TENM3: variants seen among roughly 807,000 people sequenced by gnomAD.
The protein encoded by TENM3 is teneurin-3.
In TENM3, 63 loss-of-function variants were observed where a neutral mutation model predicts 255.1. The observed-to-expected ratio is 0.25, with a 90% confidence interval of 0.20 to 0.30. TENM3 has a LOEUF of 0.30. Ranked by LOEUF, TENM3 falls within the 10% of genes least tolerant of loss-of-function variation. TENM3 has a pLI of 1.00. For synonymous variants in TENM3, 1,306 were observed against 1,322.3 expected (o/e 0.99, Z 0.27); for missense variants, 2,929 against 3,461.1 (o/e 0.85, Z 3.86).
At chr4:181,527,011 A>G in the TENM3 span, among the ~76,000 whole-genome samples, 55 of 152,266 alleles carry the variant, frequency 3.6e-4, 1 homozygote, top group East Asian at 0.01. Context: ...CTCCTTGCTC[A>G]GTGACTTAGC....
chr4:181,835,370 A>G, the TENM3 span, among the ~76,000 whole-genome samples: 1 of 152,148 alleles, frequency 6.6e-6, no homozygotes, highest in Non-Finnish European at 1.5e-5. Flanking sequence ...CCAAAGTTTC[A>G]TTTTCCAGTT....
chr4:182,697,663 A>G (rs1272249556), intron 12 of TENM3, among the ~76,000 whole-genome samples: 1 of 152,170 alleles, frequency 6.6e-6, no homozygotes, highest in Non-Finnish European at 1.5e-5. Context: ...TTGAGATGAC[A>G]GTATCCACTG....
chr4:182,085,727 C>A, the TENM3 span, among the ~76,000 whole-genome samples: 119 of 152,098 alleles, frequency 7.8e-4, no homozygotes, highest in Admixed American at 2.2e-3. Flanking sequence ...AGCTGAATGC[C>A]CATTCTTTAA....
chr4:181,975,882 T>G, the TENM3 span: 1 of 152,180 alleles, frequency 6.6e-6, no homozygotes, highest in Non-Finnish European at 1.5e-5. Context: ...TAGAAAATTA[T>G]TGTCTGACAG....
At chr4:182,510,769 T>A (rs1450687410) in intron 3 of TENM3, among the ~76,000 whole-genome samples, 2 of 152,216 alleles carry the variant, frequency 1.3e-5, no homozygotes, top group African/African-American at 4.8e-5. Context: ...TTTTTTCTAA[T>A]GTTATAATCT....
At chr4:181,543,526 G>A in the TENM3 span, among the ~76,000 whole-genome samples, 1 of 152,172 alleles carries the variant, frequency 6.6e-6, no homozygotes, top group Non-Finnish European at 1.5e-5. Context: ...TCCGCGTGAT[G>A]ACCAACTCTC....
the TENM3 span, among the ~76,000 whole-genome samples, chr4:182,089,480 C>G: frequency 6.6e-6 from 1 of 152,050 alleles, no homozygotes; most frequent in Non-Finnish European, 1.5e-5. Context: ...AAAAATCAAC[C>G]AAAAAATCAA....
intron 1 of TENM3, among the ~76,000 whole-genome samples, chr4:182,220,552 G>C (rs1169310030): frequency 1.1e-5 from 1 of 87,852 alleles, no homozygotes; most frequent in Non-Finnish European, 2.8e-5. Flanking sequence ...AGGTCCAAAT[G>C]TGGGGGGCAC....
chr4:181,560,770 C>T, the TENM3 span, among the ~76,000 whole-genome samples: 5 of 152,078 alleles, frequency 3.3e-5, no homozygotes, highest in East Asian at 3.9e-4. Context: ...CAGGAAGGTC[C>T]GGGAAGGCGT....
rs551494461 is a variant in TENM3, at chr4:182,671,191, C to T, written c.1112-1814C>T. 5.9e-5 allele frequency among the ~76,000 whole-genome samples: 9 copies of T among 152,236 alleles called. No individual in the cohort carries two copies. The South Asian group carries it at 1.9e-3, about 32-fold the overall frequency. ...ACCAAACCTCATGGAATCCTTGTAA[C>T]GGTGCAATCATTATGTTACTCTCCC... On this transcript the variant is annotated intron_variant, in intron 6 of 27. Transcript: ENST00000511685.
chr4:181,645,599 G>A, the TENM3 span, among the ~76,000 whole-genome samples: 1 of 152,154 alleles, frequency 6.6e-6, no homozygotes, highest in African/African-American at 2.4e-5. Context: ...ATGAGAGGGG[G>A]AGTGATGGAA....
At chr4:181,923,490 T>C in the TENM3 span, among the ~76,000 whole-genome samples, 1 of 152,238 alleles carries the variant, frequency 6.6e-6, no homozygotes, top group Admixed American at 6.5e-5. Context: ...ACTTTGAACA[T>C]AGAGAATAAA....
At chr4:181,911,015 T>G in the TENM3 span, among the ~76,000 whole-genome samples, 6 of 152,184 alleles carry the variant, frequency 3.9e-5, no homozygotes, top group Non-Finnish European at 7.3e-5. Flanking sequence ...ACATCCTAAC[T>G]CTGTGATTAG....
intron 3 of TENM3, among the ~76,000 whole-genome samples, chr4:182,456,137 AT>A (rs1247967799): frequency 6.6e-6 from 1 of 152,224 alleles, no homozygotes; most frequent in Non-Finnish European, 1.5e-5. Context: ...ATGGAAGGTC[AT>A]TACAAACATC....
chr4:182,004,982 G>T, the TENM3 span, among the ~76,000 whole-genome samples: 3 of 152,062 alleles, frequency 2.0e-5, no homozygotes, highest in Admixed American at 6.5e-5. Flanking sequence ...TTTGTCAGAC[G>T]GGTAGATTGC....
chr4:182,016,799 T>C, the TENM3 span, among the ~76,000 whole-genome samples: 2 of 152,356 alleles, frequency 1.3e-5, no homozygotes, highest in East Asian at 3.9e-4. Context: ...TCGAAGTTTG[T>C]TATTAGTATT....
At chr4:181,701,855 A>T in the TENM3 span, among the ~76,000 whole-genome samples, 1 of 152,186 alleles carries the variant, frequency 6.6e-6, no homozygotes, top group Non-Finnish European at 1.5e-5. Context: ...CCCAATTTTA[A>T]AACCCATGTA....
chr4:181,709,868 C>G, the TENM3 span, among the ~76,000 whole-genome samples: 1 of 152,156 alleles, frequency 6.6e-6, no homozygotes, highest in Non-Finnish European at 1.5e-5. Context: ...AGGAGAAAAT[C>G]AGGGATGAAT....
At chr4:182,052,462 T>C in the TENM3 span, among the ~76,000 whole-genome samples, 5 of 152,198 alleles carry the variant, frequency 3.3e-5, no homozygotes, top group South Asian at 8.3e-4. Flanking sequence ...TTCAGAGGCA[T>C]TGTTTCTCAA....
Sources: allele counts gnomAD v4.1 joint callset (sites outside exome capture counted in the v4.1 genomes callset), GRCh38; gene constraint gnomAD v4.1.1; transcripts MANE v1.5; gene names NCBI Gene and HGNC (gene_info 2026-07-23, HGNC 2026-07-21).